The following CCDC91 variants were observed in gnomAD, a reference collection of about 807,000 sequenced individuals.
CCDC91 encodes the protein coiled-coil domain-containing protein 91.
Under a neutral mutation model 63.2 loss-of-function variants are expected in CCDC91, and 48 were observed. The ratio of observed to expected loss-of-function variants is 0.76; its 90% CI spans 0.60 to 0.97. CCDC91 has a LOEUF of 0.97. Among genes scored for constraint, CCDC91 ranks in the 50% least tolerant of loss-of-function variants. CCDC91 has a pLI of 0.00. For missense variants in CCDC91, 500 were observed against 494.6 expected, an observed-to-expected ratio of 1.01 and a Z score of -0.10; for synonymous variants, 167 against 165.8, an observed-to-expected ratio of 1.01 and a Z score of -0.06.
At chr12:28,258,938 C>G (rs1592127922) in intron 2 of CCDC91, among the ~76,000 whole-genome samples, 1 of 151,984 alleles carries the variant, frequency 6.6e-6, no homozygotes, top group African/African-American at 2.4e-5. Flanking sequence ...AATCCTATTT[C>G]TTTGAATTAA....
intron 12 of CCDC91, among the ~76,000 whole-genome samples, chr12:28,531,685 G>C (rs1941743095): frequency 6.6e-6 from 1 of 151,950 alleles, no homozygotes; most frequent in Non-Finnish European, 1.5e-5. Flanking sequence ...TTAGTTTTTT[G>C]GAGCAATTGC....
intron 8 of CCDC91, among the ~76,000 whole-genome samples, chr12:28,441,638 ATCTC>A (rs1949218392): frequency 6.8e-6 from 1 of 147,744 alleles, no homozygotes; most frequent in African/African-American, 2.6e-5. Flanking sequence ...GTGTATATAT[ATCTC>A]TCTCTCATAT....
At chr12:28,404,426 T>C (rs1370154586) in intron 8 of CCDC91, among the ~76,000 whole-genome samples, 1 of 152,106 alleles carries the variant, frequency 6.6e-6, no homozygotes, top group African/African-American at 2.4e-5. Flanking sequence ...ATTTGGTCTA[T>C]GTTAGAAAAT....
chr12:28,308,520 G>C (rs1316887438), intron 6 of CCDC91, among the ~76,000 whole-genome samples: 1 of 151,934 alleles, frequency 6.6e-6, no homozygotes, highest in Non-Finnish European at 1.5e-5. Context: ...CTAAAAGCCA[G>C]GTCCTTAAAC....
chr12:28,522,992 A>G (rs1279446718), intron 12 of CCDC91, among the ~76,000 whole-genome samples: 2 of 152,182 alleles, frequency 1.3e-5, no homozygotes, highest in African/African-American at 4.8e-5. Flanking sequence ...CTTTACTTCC[A>G]ACTATGTGGT....
At chr12:28,464,990 G>A (rs1456277513) in intron 11 of CCDC91, among the ~76,000 whole-genome samples, 2 of 152,170 alleles carry the variant, frequency 1.3e-5, no homozygotes, top group Non-Finnish European at 2.9e-5. Flanking sequence ...AGCCCAGGCA[G>A]CATATGCTAC....
At chr12:28,423,210 C>T (rs1565949106) in intron 8 of CCDC91, among the ~76,000 whole-genome samples, 3 of 152,112 alleles carry the variant, frequency 2.0e-5, no homozygotes, top group East Asian at 1.9e-4. Flanking sequence ...CCCTAGACTA[C>T]AAATAGAGAA....
In CCDC91 at chr12:28,257,190, T is replaced by C. The variant is rs770027833; in HGVS notation, c.-14-12T>C. 3 of 1,592,422 alleles carry C rather than the reference T, an allele frequency of 1.9e-6. No homozygotes were observed. The highest frequency in any genetic ancestry group is 3.3e-5 in the Admixed American group (2 of 59,878). On this transcript the variant is annotated splice_polypyrimidine_tract_variant and intron_variant, in intron 1 of 12. Coordinates refer to ENST00000536442, the MANE Select transcript of CCDC91 (RefSeq NM_018318.5). ...TGTGTGCGGGCTTGTTTCAATATCTTATATTTTTCAGGTGCCACTTGAAGA... is the reference window on the plus strand; with the variant it reads ...TGTGTGCGGGCTTGTTTCAATATCTCATATTTTTCAGGTGCCACTTGAAGA...
chr12:28,503,914 A>T (rs1938333849), intron 12 of CCDC91, among the ~76,000 whole-genome samples: 1 of 151,888 alleles, frequency 6.6e-6, no homozygotes, highest in Non-Finnish European at 1.5e-5. Context: ...GAAGAGGAAC[A>T]TCACACTCTG....
intron 8 of CCDC91, among the ~76,000 whole-genome samples, chr12:28,419,177 A>G (rs1947857736): frequency 1.3e-5 from 2 of 152,198 alleles, no homozygotes; most frequent in Non-Finnish European, 1.5e-5. Context: ...GTGGAAAGCC[A>G]AACTCTAGTA....
chr12:28,328,979 A>AT (rs1941261797), intron 6 of CCDC91, among the ~76,000 whole-genome samples: 1 of 152,160 alleles, frequency 6.6e-6, no homozygotes, highest in South Asian at 2.1e-4. Context: ...ATGAGAACCA[A>AT]TGGTGTTTGG....
intron 12 of CCDC91, among the ~76,000 whole-genome samples, chr12:28,500,274 T>C (rs919395957): frequency 6.6e-6 from 1 of 151,958 alleles, no homozygotes; most frequent in African/African-American, 2.4e-5. Context: ...TTGCAAAAAT[T>C]TTCTCCCATT....
chr12:28,223,443 T>G (rs1944077976), intron 1 of CCDC91, among the ~76,000 whole-genome samples: 1 of 152,204 alleles, frequency 6.6e-6, no homozygotes, highest in African/African-American at 2.4e-5. Context: ...TGGTTTCATT[T>G]GGCTTCCTTT....
chr12:28,538,280 C>T (rs1292038252), intron 12 of CCDC91, among the ~76,000 whole-genome samples: 3 of 130,276 alleles, frequency 2.3e-5, no homozygotes, highest in East Asian at 2.6e-4. Context: ...CAACAGGCCC[C>T]GGTGTGTGAT....
At chr12:28,531,121 G>T (rs1941694954) in intron 12 of CCDC91, among the ~76,000 whole-genome samples, 2 of 152,142 alleles carry the variant, frequency 1.3e-5, no homozygotes, top group Admixed American at 1.3e-4. Context: ...ATGTTATCCA[G>T]ACTGATAGAC....
chr12:28,264,877 T>G (rs551174199), intron 3 of CCDC91, among the ~76,000 whole-genome samples: 11 of 152,124 alleles, frequency 7.2e-5, no homozygotes, highest in African/African-American at 2.6e-4. Flanking sequence ...GAAAATTTAC[T>G]GTGTTTCAGA....
At chr12:28,290,658 A>T (rs565869269) in intron 3 of CCDC91, among the ~76,000 whole-genome samples, 1 of 152,176 alleles carries the variant, frequency 6.6e-6, no homozygotes, top group Admixed American at 6.5e-5. Context: ...TAAAGCTTTC[A>T]TCAATGCAAT....
intron 8 of CCDC91, among the ~76,000 whole-genome samples, chr12:28,446,593 G>C (rs1949511687): frequency 6.6e-6 from 1 of 152,086 alleles, no homozygotes; most frequent in Admixed American, 6.6e-5. Context: ...CTCCCAAGTA[G>C]CTGGGACTAC....
chr12:28,217,285 A>T (rs1448335442), intron 1 of CCDC91, among the ~76,000 whole-genome samples: 2 of 152,172 alleles, frequency 1.3e-5, no homozygotes, highest in Non-Finnish European at 2.9e-5. Flanking sequence ...TGAAAATTTT[A>T]ATTCATTATA....
Sources: gnomAD v4.1 joint callset for allele counts (sites outside exome capture counted in the v4.1 genomes callset) on GRCh38, gnomAD v4.1.1 for gene constraint, MANE v1.5 for transcripts, NCBI Gene and HGNC (gene_info 2026-07-23, HGNC 2026-07-21) for gene names.